Variants in ACKR3 observed in about 807,000 individuals in gnomAD.
ACKR3 encodes C-X-C chemokine receptor type 7.
Under a neutral mutation model 22.4 loss-of-function variants are expected in ACKR3, and 6 were observed. The ratio of observed to expected loss-of-function variants is 0.27; its 90% CI spans 0.15 to 0.53. ACKR3 has a LOEUF of 0.53. Among genes scored for constraint, ACKR3 ranks in the 20% least tolerant of loss-of-function variants. The pLI is 0.96. For missense variants in ACKR3, 396 were observed against 475.2 expected (o/e 0.83, Z 1.55); for synonymous variants, 209 against 205.2 (o/e 1.02, Z -0.16).
chr2:236,547,995 G>A, the ACKR3 span, among the ~76,000 whole-genome samples: 5 of 152,096 alleles, frequency 3.3e-5, no homozygotes. Flanking sequence ...CCCATTCTCT[G>A]AAGTCTTTCC....
At chr2:236,576,254 C>A (rs537083169) in intron 1 of ACKR3, among the ~76,000 whole-genome samples, 2 of 152,196 alleles carry the variant, frequency 1.3e-5, no homozygotes, top group African/African-American at 4.8e-5. Flanking sequence ...AACTTCCCAG[C>A]GTAAACAGAC....
the ACKR3 span, among the ~76,000 whole-genome samples, chr2:236,557,909 C>T: frequency 1.3e-5 from 2 of 151,998 alleles, no homozygotes; most frequent in African/African-American, 2.4e-5. Flanking sequence ...TCAGACACAC[C>T]CAAATGGAAG....
chr2:236,576,861 T>C (rs1179363648), intron 1 of ACKR3, among the ~76,000 whole-genome samples: 1 of 152,398 alleles, frequency 6.6e-6, no homozygotes, highest in African/African-American at 2.4e-5. Context: ...GGGTAAGCTA[T>C]AGTATGACAT....
At chr2:236,579,509 T>A (rs1013470611) in intron 1 of ACKR3, among the ~76,000 whole-genome samples, 3 of 152,176 alleles carry the variant, frequency 2.0e-5, no homozygotes, top group African/African-American at 7.2e-5. Flanking sequence ...ATAACAATGG[T>A]ACCCCGTGGC....
At chr2:236,565,866 GT>G (rs1691167272), upstream of ACKR3, among the ~76,000 whole-genome samples, 1 of 152,180 alleles carries the variant, frequency 6.6e-6, no homozygotes, top group Admixed American at 6.5e-5. Flanking sequence ...TGGTGTTGCG[GT>G]TATTCTGGGG....
At chr2:236,550,086 C>A in the ACKR3 span, among the ~76,000 whole-genome samples, 1 of 152,212 alleles carries the variant, frequency 6.6e-6, no homozygotes, top group African/African-American at 2.4e-5. This position sits in a 1 kb window ranked among gnomAD's most constrained non-coding sequence, Gnocchi z 4.6. Flanking sequence ...AGCTCCAGTT[C>A]TATTGCCACA....
the ACKR3 span, among the ~76,000 whole-genome samples, chr2:236,554,524 G>A: frequency 6.6e-6 from 1 of 152,202 alleles, no homozygotes; most frequent in Non-Finnish European, 1.5e-5. Context: ...CATCCAGGGA[G>A]AAGCCCCTGC....
the ACKR3 span, among the ~76,000 whole-genome samples, chr2:236,558,241 T>TAGC: frequency 6.6e-6 from 1 of 152,086 alleles, no homozygotes; most frequent in Non-Finnish European, 1.5e-5. Context: ...GCGTGGAGAG[T>TAGC]AGTAGCCTAT....
rs1691506460 is a variant in ACKR3, at chr2:236,580,760, G to C, written c.295G>C (p.Val99Leu). The change falls in exon 2 of 2, where the codon GTC (valine) becomes CTC (leucine). Residue 99 changes from valine (V) to leucine (L), a missense_variant. Val to Leu is a conservative substitution (Grantham distance 32, BLOSUM62 1). Transcript: ENST00000272928. ...ADLWVVLTIP[V>L]WVVSLVQHNQ... Reference sequence around the variant, plus strand: ...CCTGTGGGTTGTCCTCACCATCCCAGTCTGGGTGGTCAGTCTCGTGCAGCA... The same window carrying C: ...CCTGTGGGTTGTCCTCACCATCCCACTCTGGGTGGTCAGTCTCGTGCAGCA... The C allele has an allele frequency of 3.1e-6, 5 of 1,614,220 alleles. No individual in the cohort carries two copies. The East Asian group carries it at 8.9e-5, about 29-fold the overall frequency.
chr2:236,540,875 C>T, the ACKR3 span, among the ~76,000 whole-genome samples: 1 of 152,232 alleles, frequency 6.6e-6, no homozygotes, highest in Non-Finnish European at 1.5e-5. Flanking sequence ...CAATAGCACA[C>T]AGTCGTGATT....
At chr2:236,557,587 T>C in the ACKR3 span, among the ~76,000 whole-genome samples, 1 of 152,198 alleles carries the variant, frequency 6.6e-6, no homozygotes, top group Non-Finnish European at 1.5e-5. Context: ...CTGAGAGTAA[T>C]GGATTATAAC....
chr2:236,581,191 C>T lies in ACKR3; in HGVS notation c.726C>T (p.Ser242=). The T allele has an allele frequency of 6.2e-7, 1 of 1,613,750 alleles. No homozygotes were observed. The highest frequency in any genetic ancestry group is 8.5e-7 in the Non-Finnish European group (1 of 1,179,616). Residue 242 remains serine (S), a synonymous_variant, in exon 2 of 2, where the codon TCC becomes TCT. Transcript: ENST00000272928. This position sits in a 1 kb window ranked among gnomAD's most constrained non-coding sequence, Gnocchi z 4.4. ...YFLLARAISA[S]SDQEKHSSRK... is the part of the protein sequence containing the mutation. ...TGCTGGCCAGAGCCATCTCGGCGTC[C>T]AGTGACCAGGAGAAGCACAGCAGCC...
At chr2:236,539,927 A>C in the ACKR3 span, among the ~76,000 whole-genome samples, 1 of 152,174 alleles carries the variant, frequency 6.6e-6, no homozygotes, top group Non-Finnish European at 1.5e-5. Context: ...AGATCTCATG[A>C]GATTTATTCA....
chr2:236,579,468 C>A (rs1039878323), intron 1 of ACKR3, among the ~76,000 whole-genome samples: 5 of 152,176 alleles, frequency 3.3e-5, no homozygotes, highest in African/African-American at 9.7e-5. Context: ...AAGACAGCCC[C>A]TGTCAGTCTA....
chr2:236,546,798 G>A, the ACKR3 span, among the ~76,000 whole-genome samples: 3 of 152,216 alleles, frequency 2.0e-5, no homozygotes, highest in Non-Finnish European at 2.9e-5. This position sits in a 1 kb window ranked among gnomAD's most constrained non-coding sequence, Gnocchi z 4.9. Context: ...TCCTGTGACC[G>A]TTATGCAGGA....
the ACKR3 span, among the ~76,000 whole-genome samples, chr2:236,548,051 T>G: frequency 6.6e-6 from 1 of 152,190 alleles, no homozygotes; most frequent in Non-Finnish European, 1.5e-5. The surrounding 1 kb of genome is among the most constrained non-coding windows in gnomAD (Gnocchi z 4.3). Flanking sequence ...CCACTGGCCT[T>G]TCCTAGTTTT....
the ACKR3 span, among the ~76,000 whole-genome samples, chr2:236,539,222 G>C: frequency 6.7e-6 from 1 of 149,562 alleles, no homozygotes; most frequent in South Asian, 2.1e-4. Context: ...ACTTCTATGA[G>C]TTTTGATAGA....
At chr2:236,553,374 A>C in the ACKR3 span, among the ~76,000 whole-genome samples, 2 of 152,254 alleles carry the variant, frequency 1.3e-5, no homozygotes, top group African/African-American at 4.8e-5. Flanking sequence ...CATTTGGCAG[A>C]TATACGCTTA....
At chr2:236,542,219 C>T in the ACKR3 span, among the ~76,000 whole-genome samples, 1 of 152,198 alleles carries the variant, frequency 6.6e-6, no homozygotes, top group Non-Finnish European at 1.5e-5. Context: ...AGCCCATGTT[C>T]AGTGACATCA....
Sources: allele counts gnomAD v4.1 joint callset (sites outside exome capture counted in the v4.1 genomes callset), GRCh38; gene constraint gnomAD v4.1.1; non-coding constraint Gnocchi (gnomAD v3.1); transcripts MANE v1.5; gene names NCBI Gene and HGNC (gene_info 2026-07-23, HGNC 2026-07-21).